BCL11A: variants seen among roughly 807,000 people sequenced by gnomAD.
The protein encoded by BCL11A is B cell CLL/lymphoma 11A.
Under a neutral mutation model 55.9 loss-of-function variants are expected in BCL11A, and 2 were observed. That is an observed-to-expected ratio of 0.04 (90% CI 0.01 to 0.11). The LOEUF (loss-of-function observed/expected upper bound fraction) is 0.11. Ranked by LOEUF, BCL11A falls within the 10% of genes least tolerant of loss-of-function variation. BCL11A has a pLI of 1.00. For synonymous variants in BCL11A, 465 were observed against 473.4 expected (o/e 0.98, Z 0.23); for missense variants, 817 against 1,137.1 (o/e 0.72, Z 4.05).
chr2:60,488,123 T>G (rs1156651024), intron 2 of BCL11A, among the ~76,000 whole-genome samples: 2 of 152,252 alleles, frequency 1.3e-5, no homozygotes, highest in African/African-American at 2.4e-5. Context: ...AACATTTAAA[T>G]TATCCTGGAA....
intron 2 of BCL11A, among the ~76,000 whole-genome samples, chr2:60,502,197 G>T (rs1369848291): frequency 6.6e-6 from 1 of 152,208 alleles, no homozygotes; most frequent in African/African-American, 2.4e-5. Context: ...AACAATCAGA[G>T]ATCAGGTCCC....
At chr2:60,552,434 C>G (rs1234165132) in intron 1 of BCL11A, among the ~76,000 whole-genome samples, 1 of 151,928 alleles carries the variant, frequency 6.6e-6, no homozygotes, top group Non-Finnish European at 1.5e-5. Flanking sequence ...GCGGCGGCGG[C>G]GGCGGCGGCG....
rs1676041534 is a variant in BCL11A at position 60,458,339 on chromosome 2, TA to T, written c.*2064del. Reference sequence around the variant, plus strand: ...GGCATAGAATTTCCACTACCATTTTTAAATGGATAACAAGTCTTGTAACACC... The same window carrying T: ...GGCATAGAATTTCCACTACCATTTTTAATGGATAACAAGTCTTGTAACACC... On this transcript the variant is annotated 3_prime_UTR_variant, in exon 4 of 4. Coordinates refer to ENST00000642384, the MANE Select transcript of BCL11A (RefSeq NM_022893.4). 1 of 1,026,752 alleles carries T rather than the reference TA, an allele frequency of 9.7e-7. No homozygotes were observed. The highest frequency in any genetic ancestry group is 1.2e-6 in the Non-Finnish European group (1 of 854,542). The allele number at this position is 1,026,752 out of a possible 1,614,324, so 63.6% of individuals were successfully genotyped here.
chr2:60,530,491 A>G (rs1200819105), intron 2 of BCL11A, among the ~76,000 whole-genome samples: 1 of 151,844 alleles, frequency 6.6e-6, no homozygotes, highest in South Asian at 2.1e-4. Flanking sequence ...CGTTATCACA[A>G]CTTTTTTTCC....
Position 60,468,806 on chromosome 2 carries a change from G to A in BCL11A, c.413C>T (p.Ser138Phe). The change falls in exon 3 of 4, where the codon TCC (serine) becomes TTC (phenylalanine). Residue 138 changes from serine to phenylalanine, a missense_variant. By Grantham distance (155) the Ser-to-Phe change is radical. Coordinates refer to ENST00000642384, the MANE Select transcript of BCL11A (RefSeq NM_022893.4). ...AGCTCCATGTGCAGAACGAGGGGAG[G>A]AGAGGCCCCTCCAGTGCAGAAGTTT... ...ADKLLHWRGL[S>F]SPRSAHGALI... 1 of 1,608,116 alleles carries A rather than the reference G, an allele frequency of 6.2e-7. No homozygotes were observed. The highest frequency in any genetic ancestry group is 8.5e-7 in the Non-Finnish European group (1 of 1,178,476).
At chr2:60,470,380 G>C (rs2104003160) in intron 2 of BCL11A, among the ~76,000 whole-genome samples, 1 of 152,308 alleles carries the variant, frequency 6.6e-6, no homozygotes, top group East Asian at 1.9e-4. Context: ...TTTTGTCATG[G>C]TATTTTTCAA....
At chr2:60,492,782 C>T (rs1421760527) in intron 2 of BCL11A, among the ~76,000 whole-genome samples, 2 of 152,186 alleles carry the variant, frequency 1.3e-5, no homozygotes, top group Non-Finnish European at 2.9e-5. Flanking sequence ...GACTTGGTTC[C>T]ACTCCAGTGG....
At position 60,553,648 on chromosome 2, in the gene BCL11A, CAG is replaced by C; in HGVS notation, c.-380_-379del. On this transcript the variant is annotated 5_prime_UTR_variant, in exon 1 of 4. Coordinates refer to ENST00000642384, the MANE Select transcript of BCL11A (RefSeq NM_022893.4). ...CTTGAACGTCAGGAGTCTGGATGGA[CAG>C]AGACACACAAAACATGGGCAGGGCG... 1 of 293,562 alleles carries C rather than the reference CAG, an allele frequency of 3.4e-6. No individual in the cohort carries two copies. Among genetic ancestry groups the C allele is most frequent in the Non-Finnish European group, 6.2e-6 (1 of 162,256 alleles). 18.2% of individuals were successfully genotyped at this position (293,562 alleles called of 1,614,324 possible). A position where few individuals can be genotyped will look rare whatever the true frequency, so the allele number is the denominator to read the frequency against.
At chr2:60,467,288 A>ATGG (rs1483380532) in intron 3 of BCL11A, among the ~76,000 whole-genome samples, 2 of 27,656 alleles carry the variant, frequency 7.2e-5, no homozygotes, top group Non-Finnish European at 1.5e-4. Flanking sequence ...GGTGGTAGTG[A>ATGG]TGGTGGTGGT....
chr2:60,551,306 C>G (rs1432674238), intron 1 of BCL11A, among the ~76,000 whole-genome samples: 1 of 152,232 alleles, frequency 6.6e-6, no homozygotes, highest in East Asian at 1.9e-4. Flanking sequence ...TCACAAGAAC[C>G]TCAGACCAAG....
intron 2 of BCL11A, among the ~76,000 whole-genome samples, chr2:60,521,881 G>A (rs532894298): frequency 6.6e-6 from 1 of 152,266 alleles, no homozygotes; most frequent in South Asian, 2.1e-4. Context: ...CTCATGCACT[G>A]AAAAAGACAA....
chr2:60,462,591 C>A (rs1676379828), intron 3 of BCL11A, among the ~76,000 whole-genome samples, 167 bp from the exon 4 acceptor site: 1 of 152,120 alleles, frequency 6.6e-6, no homozygotes. Flanking sequence ...GCATGGGTAC[C>A]CAGTAAATAT....
In BCL11A at chr2:60,460,207, AAG is replaced by A. The variant is rs1676174358; in HGVS notation, c.*195_*196del. Reference sequence around the variant, plus strand: ...AGGAAAAAGAAAAAAGAAAAAGAAAAAGAAAAAAAACAGGTGTGCTGGTGACA... The same window carrying A: ...AGGAAAAAGAAAAAAGAAAAAGAAAAAAAAAAAACAGGTGTGCTGGTGACA... On this transcript the variant is annotated 3_prime_UTR_variant, in exon 4 of 4. Transcript: ENST00000642384. 5.3e-6 allele frequency: 7 copies of A among 1,313,168 alleles called. No individual in the cohort carries two copies. The highest frequency in any genetic ancestry group is 9.7e-7 in the Non-Finnish European group (1 of 1,034,956). The allele number at this position is 1,313,168 out of a possible 1,614,324, so 81.3% of individuals were successfully genotyped here.
In BCL11A at chr2:60,457,634, T is replaced by C; in HGVS notation, c.*2770A>G. The C allele has an allele frequency of 9.6e-7, 1 of 1,043,806 alleles. No individual in the cohort carries two copies. Among genetic ancestry groups the C allele is most frequent in the South Asian group, 4.6e-5 (1 of 21,792 alleles). 64.7% of individuals were successfully genotyped at this position (1,043,806 alleles called of 1,614,324 possible). A position where few individuals can be genotyped will look rare whatever the true frequency, so the allele number is the denominator to read the frequency against. On this transcript the variant is annotated 3_prime_UTR_variant, in exon 4 of 4. Transcript: ENST00000642384. Reference sequence around the variant, plus strand: ...TTCCAATCTAAATATAAAGCACCATTTAGTTTTTGGCAATGAAAAAAACTG... The same window carrying C: ...TTCCAATCTAAATATAAAGCACCATCTAGTTTTTGGCAATGAAAAAAACTG...
chr2:60,553,308 G>T lies in BCL11A; in HGVS notation c.-38C>A. 1 of 1,525,572 alleles carries T rather than the reference G, an allele frequency of 6.6e-7. No homozygotes were observed. Among genetic ancestry groups the T allele is most frequent in the Non-Finnish European group, 8.7e-7 (1 of 1,143,036 alleles). 94.5% of individuals were successfully genotyped at this position (1,525,572 alleles called of 1,614,324 possible). A position where few individuals can be genotyped will look rare whatever the true frequency, so the allele number is the denominator to read the frequency against. On this transcript the variant is annotated 5_prime_UTR_variant, in exon 1 of 4. Transcript: ENST00000642384. ...GGCGGGCGGCGGCGGCGGCGGCGGC[G>T]GCGGCGGGCGGACGACGGCTCGGTT... is the stretch of plus-strand genomic sequence containing the variant.
intron 2 of BCL11A, among the ~76,000 whole-genome samples, chr2:60,488,546 T>G (rs563106563): frequency 6.6e-6 from 1 of 152,332 alleles, no homozygotes; most frequent in South Asian, 2.1e-4. Context: ...CTTATACAAT[T>G]CACTGGAAAC....
At chr2:60,463,513 G>C (rs1415838779) in intron 3 of BCL11A, among the ~76,000 whole-genome samples, 3 of 152,224 alleles carry the variant, frequency 2.0e-5, no homozygotes, top group Non-Finnish European at 4.4e-5. Context: ...CTGGCCAGTA[G>C]CCAAGCCGTC....
In BCL11A at chr2:60,459,369, T is replaced by C. The variant is rs374250045; in HGVS notation, c.*1035A>G. On this transcript the variant is annotated 3_prime_UTR_variant, in exon 4 of 4. Transcript: ENST00000642384. Reference sequence around the variant, plus strand: ...TTCCAGGGCTTTTGCACATTACACATTCAATTTAATCATTGTTTAAAAAAA... The same window carrying C: ...TTCCAGGGCTTTTGCACATTACACACTCAATTTAATCATTGTTTAAAAAAA... 1 of 1,019,788 alleles carries C rather than the reference T, an allele frequency of 9.8e-7. No homozygotes were observed. Among genetic ancestry groups the C allele is most frequent in the Non-Finnish European group, 1.2e-6 (1 of 849,782 alleles). 63.2% of individuals were successfully genotyped at this position (1,019,788 alleles called of 1,614,324 possible). A position where few individuals can be genotyped will look rare whatever the true frequency, so the allele number is the denominator to read the frequency against.
rs1235072964 is a variant in BCL11A at position 60,546,117 on chromosome 2, G to A, written c.239C>T (p.Ala80Val). ...TGAAGGGGAAGGTGGCTTATCCACA[G>A]CTTTTTCTAAGCAGAGGCTGCCATT... ...QCNGSLCLEK[A>V]VDKPPSPSPI... Residue 80 changes from alanine to valine, a missense_variant, in exon 2 of 4, where the codon GCT becomes GTT. Physicochemically the swap from Ala to Val is moderately conservative, Grantham distance 64. This residue lies in a region of BCL11A where 363 missense variants were observed against 486.6 expected (regional missense o/e 0.75). Coordinates refer to ENST00000642384, the MANE Select transcript of BCL11A (RefSeq NM_022893.4). The surrounding 1 kb of genome is among the most constrained non-coding windows in gnomAD (Gnocchi z 4.1). 6.2e-6 allele frequency: 10 copies of A among 1,614,220 alleles called. No individual in the cohort carries two copies. Among genetic ancestry groups the A allele is most frequent in the Non-Finnish European group, 8.5e-6 (10 of 1,180,036 alleles).
Sources: allele counts gnomAD v4.1 joint callset (sites outside exome capture counted in the v4.1 genomes callset), GRCh38; gene constraint gnomAD v4.1.1; regional missense constraint gnomAD v4.1.1; non-coding constraint Gnocchi (gnomAD v3.1); transcripts MANE v1.5; gene names NCBI Gene and HGNC (gene_info 2026-07-23, HGNC 2026-07-21).